USP24: variants seen among roughly 807,000 people sequenced by gnomAD.
USP24 encodes the protein ubiquitin specific peptidase 24.
A neutral mutation model predicts 361.6 loss-of-function variants in USP24; 97 were observed. The ratio of observed to expected loss-of-function variants is 0.27; its 90% CI spans 0.23 to 0.32. USP24 has a LOEUF of 0.32. Ranked by LOEUF, USP24 falls within the 10% of genes least tolerant of loss-of-function variation. The pLI is 1.00. For synonymous variants in USP24, 1,098 were observed against 1,124.6 expected, an observed-to-expected ratio of 0.98 and a Z score of 0.47; for missense variants, 2,353 against 3,165.6, an observed-to-expected ratio of 0.74 and a Z score of 6.16.
intron 55 of USP24, among the ~76,000 whole-genome samples, chr1:55,088,460 T>C (rs1557542057): frequency 6.6e-6 from 1 of 152,044 alleles, no homozygotes; most frequent in African/African-American, 2.4e-5. Flanking sequence ...AATTAAAGGG[T>C]CAACTTCCTT....
In USP24 at chr1:55,073,876, C is replaced by T; in HGVS notation, c.7478G>A (p.Ser2493Asn). 1 of 1,581,406 alleles carries T rather than the reference C, an allele frequency of 6.3e-7. No individual in the cohort carries two copies. The highest frequency in any genetic ancestry group is 8.6e-7 in the Non-Finnish European group (1 of 1,162,938). Residue 2493 changes from serine to asparagine, a missense_variant, in exon 64 of 68, where the codon AGT becomes AAT. Coordinates refer to ENST00000294383, the MANE Select transcript of USP24 (RefSeq NM_015306.3). ...ALMHHSNHVD[S>N]SRCYQCVKFL... ...TTTGACACACTGGTAGCAGCGACTA[C>T]TGTCCACATGATTACTGTGGTGCAT...
chr1:55,206,262 A>T (rs1205420974), intron 1 of USP24, among the ~76,000 whole-genome samples: 2 of 152,252 alleles, frequency 1.3e-5, no homozygotes, highest in Non-Finnish European at 2.9e-5. Flanking sequence ...CAATACACAC[A>T]TGCAAACACA....
At chr1:55,186,828 T>C (rs1644145778) in intron 1 of USP24, among the ~76,000 whole-genome samples, 1 of 152,144 alleles carries the variant, frequency 6.6e-6, no homozygotes, top group Admixed American at 6.5e-5. Flanking sequence ...ATGAAGTAGT[T>C]CTGAAGATGG....
At chr1:55,082,008 G>C (rs1645157943) in intron 58 of USP24, among the ~76,000 whole-genome samples, 1 of 152,210 alleles carries the variant, frequency 6.6e-6, no homozygotes, top group Admixed American at 6.5e-5. Context: ...AGTGGAAAAG[G>C]GATATTGTAA....
intron 56 of USP24, among the ~76,000 whole-genome samples, chr1:55,085,731 C>T (rs957777757): frequency 6.6e-6 from 1 of 152,086 alleles, no homozygotes; most frequent in Non-Finnish European, 1.5e-5. Flanking sequence ...CCAAAGCAGG[C>T]CTGAATTCCT....
At chr1:55,123,200 A>T (rs1646332047) in intron 36 of USP24, among the ~76,000 whole-genome samples, 1 of 152,236 alleles carries the variant, frequency 6.6e-6, no homozygotes, top group African/African-American at 2.4e-5. Context: ...CTAGACAGCA[A>T]GCTCGTGGTG....
At chr1:55,209,066 G>T (rs899111175) in intron 1 of USP24, among the ~76,000 whole-genome samples, 1 of 150,470 alleles carries the variant, frequency 6.6e-6, no homozygotes, top group Non-Finnish European at 1.5e-5. Flanking sequence ...CTATGATAAA[G>T]AAAATGAAAA....
At chr1:55,192,446 G>A (rs1474836713) in intron 1 of USP24, among the ~76,000 whole-genome samples, 1 of 152,202 alleles carries the variant, frequency 6.6e-6, no homozygotes, top group Non-Finnish European at 1.5e-5. Flanking sequence ...ACCAACATGT[G>A]CTCAAAAGAA....
intron 38 of USP24, among the ~76,000 whole-genome samples, chr1:55,119,080 TAAAGAACTGAAAAC>T (rs1646203490): frequency 6.6e-6 from 1 of 152,174 alleles, no homozygotes; most frequent in Non-Finnish European, 1.5e-5. Flanking sequence ...GTATACACCC[TAAAGAACTGAAAAC>T]AGGGATTCAC....
intron 5 of USP24, among the ~76,000 whole-genome samples, chr1:55,171,180 A>T (rs951151547): frequency 3.3e-5 from 5 of 152,334 alleles, no homozygotes; most frequent in African/African-American, 1.2e-4. Flanking sequence ...GAAAATATAT[A>T]TGAGATTAAG....
chr1:55,096,704 C>T, intron 49 of USP24, 82 bp from the exon 50 acceptor site: 30 of 1,511,286 alleles, frequency 2.0e-5, no homozygotes, highest in Non-Finnish European at 2.6e-5. Context: ...AATGTATTGT[C>T]TACAAATAAA....
intron 1 of USP24, among the ~76,000 whole-genome samples, chr1:55,197,800 C>T (rs74073067): frequency 0.036 from 5,535 of 152,270 alleles, 321 homozygotes; most frequent in African/African-American, 0.13. Flanking sequence ...ATTACCTGTT[C>T]CTGTTTTGCC....
Position 55,190,480 on chromosome 1 carries a change from A to G in USP24, c.325-12348T>C, listed in dbSNP as rs151143859. On this transcript the variant is annotated intron_variant, in intron 1 of 67. Coordinates refer to ENST00000294383, the MANE Select transcript of USP24 (RefSeq NM_015306.3). ...ACATACTGACCAAGAGAACACATAC[A>G]AAGCAGCTCAGTATCGTTCTATTGC... Among the ~76,000 whole-genome samples the G allele has an allele frequency of 4.7e-3, 718 of 152,332 alleles. 2 individuals carry two copies. Among genetic ancestry groups the G allele is most frequent in the African/African-American group, 0.017 (696 of 41,568 alleles).
At chr1:55,072,253 A>G (rs1644935949) in intron 66 of USP24, 64 bp downstream of exon 66, 5 of 1,419,220 alleles carry the variant, frequency 3.5e-6, no homozygotes, top group Non-Finnish European at 3.9e-6. Flanking sequence ...GCAGTTTCTG[A>G]GAAACACACT....
chr1:55,110,345 T>C (rs1645913954), intron 38 of USP24, 99 bp from the exon 39 acceptor site: 3 of 993,518 alleles, frequency 3.0e-6, no homozygotes, highest in Admixed American at 3.5e-5. Context: ...GTGAGCAAGA[T>C]AATTTTGGTA....
chr1:55,081,872 A>C (rs1449747008), intron 58 of USP24, among the ~76,000 whole-genome samples: 1 of 152,254 alleles, frequency 6.6e-6, no homozygotes, highest in Non-Finnish European at 1.5e-5. Flanking sequence ...TAAAAGTGAA[A>C]ATGTTTTCAA....
intron 24 of USP24, among the ~76,000 whole-genome samples, chr1:55,139,614 TATTAAC>T (rs1646832728): frequency 6.6e-6 from 1 of 152,232 alleles, no homozygotes; most frequent in African/African-American, 2.4e-5. Context: ...ACATTACATG[TATTAAC>T]ATTAAGAAAT....
chr1:55,182,339 C>A (rs1166779773), intron 1 of USP24, among the ~76,000 whole-genome samples: 2 of 152,158 alleles, frequency 1.3e-5, no homozygotes, highest in Admixed American at 1.3e-4. Context: ...AGGCGTGAGC[C>A]ATTGCGCCCG....
At chr1:55,069,227 G>A in intron 67 of USP24, 120 bp from the exon 68 acceptor site, 1 of 917,084 alleles carries the variant, frequency 1.1e-6, no homozygotes, top group South Asian at 1.5e-5. Flanking sequence ...GTTTATCAAA[G>A]GGTAATAAAA....
Sources: gnomAD v4.1 joint callset for allele counts (sites outside exome capture counted in the v4.1 genomes callset) on GRCh38, gnomAD v4.1.1 for gene constraint, MANE v1.5 for transcripts, NCBI Gene and HGNC (gene_info 2026-07-23, HGNC 2026-07-21) for gene names.